Variants in MMP26 observed in about 807,000 individuals in gnomAD.
The protein encoded by MMP26 is matrix metalloproteinase-26.
Under a neutral mutation model 31.0 loss-of-function variants are expected in MMP26, and 33 were observed. That is an observed-to-expected ratio of 1.06 (90% CI 0.81 to 1.42). The LOEUF (loss-of-function observed/expected upper bound fraction) is 1.42, where lower values mean the gene tolerates loss of function less well. MMP26 is among the 40% of genes most tolerant of loss of function. MMP26 has a pLI of 0.00. For synonymous variants in MMP26, 122 were observed against 114.9 expected, an observed-to-expected ratio of 1.06 and a Z score of -0.40; for missense variants, 347 against 316.1, an observed-to-expected ratio of 1.10 and a Z score of -0.74.
chr11:4,907,766 A>G lies in MMP26; in HGVS notation c.-144-80302A>G, dbSNP rs761091720. The G allele has an allele frequency of 3.7e-6, 6 of 1,613,986 alleles. No individual in the cohort carries two copies. In the Admixed American group the frequency reaches 8.3e-5, roughly 22 times the overall value. ...TGCCATTCACAATCCCTTAAGATAC[A>G]GTTCTATCCTCACTAGCAACAGGGT... On this transcript the variant is annotated intron_variant, in intron 2 of 7. Coordinates refer to ENST00000380390, the MANE Select transcript of MMP26 (RefSeq NM_021801.5).
At chr11:4,968,031 T>G (rs1329396825) in intron 2 of MMP26, among the ~76,000 whole-genome samples, 2 of 152,146 alleles carry the variant, frequency 1.3e-5, no homozygotes, top group African/African-American at 4.8e-5. Flanking sequence ...ATGTAATATA[T>G]TTTGTTTTGC....
chr11:4,818,449 A>C (rs1169330116), intron 2 of MMP26, among the ~76,000 whole-genome samples: 1 of 151,792 alleles, frequency 6.6e-6, no homozygotes, highest in Non-Finnish European at 1.5e-5. Context: ...TATTATTTTC[A>C]TTTTTCATCG....
intron 1 of MMP26, among the ~76,000 whole-genome samples, chr11:4,722,111 C>A (rs1020635626): frequency 6.6e-6 from 1 of 152,202 alleles, no homozygotes; most frequent in African/African-American, 2.4e-5. Context: ...AGTCGCTATA[C>A]TTCTTGCATA....
intron 2 of MMP26, chr11:4,907,772 A>C: frequency 6.2e-7 from 1 of 1,614,082 alleles, no homozygotes. Flanking sequence ...ATACAGTTCT[A>C]TCCTCACTAG....
intron 1 of MMP26, among the ~76,000 whole-genome samples, chr11:4,754,305 C>G (rs1353265155): frequency 6.6e-6 from 1 of 151,710 alleles, no homozygotes; most frequent in Non-Finnish European, 1.5e-5. Flanking sequence ...ATATTTATTT[C>G]TTAATAAATA....
chr11:4,988,276 CT>C lies in MMP26; in HGVS notation c.66del (p.Ala23LeufsTer19). The C allele has an allele frequency of 6.2e-7, 1 of 1,614,102 alleles. No homozygotes were observed. Among genetic ancestry groups the C allele is most frequent in the Non-Finnish European group, 8.5e-7 (1 of 1,180,022 alleles). On this transcript the variant is annotated frameshift_variant, in exon 3 of 8. Coordinates refer to ENST00000380390, the MANE Select transcript of MMP26 (RefSeq NM_021801.5). LOFTEE classifies it high-confidence loss of function. ...TGGTGTTTCGCCGTTCCAGTGCCCC[CT>C]GCTGCAGACCATAAAGGATGGGACT... is the stretch of plus-strand genomic sequence containing the variant. The part of the protein sequence containing the change: ...LPWCFAVPVP[P>X]AADHKGWDFV...
intron 1 of MMP26, chr11:4,712,363 C>A (rs1374908875): frequency 6.6e-6 from 1 of 152,122 alleles, no homozygotes; most frequent in East Asian, 1.9e-4. Flanking sequence ...TAAGAGTAGT[C>A]ATAGATGGCG....
intron 2 of MMP26, chr11:4,769,365 C>T: frequency 6.2e-7 from 1 of 1,613,962 alleles, no homozygotes; most frequent in Non-Finnish European, 8.5e-7. Context: ...TGAATCACAT[C>T]TGGATGGTAA....
In MMP26 at chr11:4,783,880, G is replaced by A. The variant is rs183227899; in HGVS notation, c.-145+16539G>A. Among the ~76,000 whole-genome samples, 153 of 152,182 alleles carry A rather than the reference G, an allele frequency of 1.0e-3. 1 individual carries two copies. The highest frequency in any genetic ancestry group is 1.8e-3 in the Non-Finnish European group (121 of 68,018). On this transcript the variant is annotated intron_variant, in intron 2 of 7. Transcript: ENST00000380390. Reference sequence around the variant, plus strand: ...CCATGTAAGATGTGACTTGCTCCTCGTCTTCCACTATGATTGTGAGGTTTC... The same window carrying A: ...CCATGTAAGATGTGACTTGCTCCTCATCTTCCACTATGATTGTGAGGTTTC...
chr11:4,745,924 CA>C (rs1018074995), intron 1 of MMP26, among the ~76,000 whole-genome samples: 1 of 152,156 alleles, frequency 6.6e-6, no homozygotes, highest in African/African-American at 2.4e-5. Context: ...AATGTCTTTT[CA>C]TGGCTTGATA....
intron 2 of MMP26, among the ~76,000 whole-genome samples, chr11:4,809,130 T>G (rs1464921381): frequency 1.3e-5 from 2 of 151,966 alleles, no homozygotes; most frequent in Non-Finnish European, 2.9e-5. Context: ...CCATATAATT[T>G]CTCTTCTTCC....
chr11:4,943,316 A>G (rs1846244015), intron 2 of MMP26: 1 of 315,442 alleles, frequency 3.2e-6, no homozygotes, highest in Non-Finnish European at 6.3e-6. Context: ...TAAGTCTTTT[A>G]ACATCTCTCA....
At chr11:4,956,256 A>G (rs778716730) in intron 2 of MMP26, among the ~76,000 whole-genome samples, 10 of 152,306 alleles carry the variant, frequency 6.6e-5, no homozygotes, top group African/African-American at 9.6e-5. Context: ...GCATTGCTGA[A>G]TTTATCTGCC....
intron 2 of MMP26, chr11:4,804,629 G>T (rs182906501): frequency 1.4e-5 from 9 of 660,768 alleles, no homozygotes; most frequent in Middle Eastern, 3.2e-4. Flanking sequence ...CTAGTTGCAT[G>T]TGTAACTGTT....
chr11:4,895,912 G>A (rs12225511), intron 2 of MMP26, among the ~76,000 whole-genome samples: 17,073 of 152,140 alleles, frequency 0.11, 1,759 homozygotes, highest in East Asian at 0.59. Context: ...GTGAGACCCC[G>A]TCTTGGGGAA....
intron 1 of MMP26, among the ~76,000 whole-genome samples, chr11:4,714,920 T>TCTCTCACACACA (rs376354906): frequency 3.5e-5 from 5 of 141,784 alleles, no homozygotes; most frequent in South Asian, 4.6e-4. Context: ...TCTCTCTCTC[T>TCTCTCACACACA]CACACACACA....
intron 2 of MMP26, among the ~76,000 whole-genome samples, chr11:4,831,873 A>T (rs1426427566): frequency 6.6e-6 from 1 of 152,212 alleles, no homozygotes; most frequent in Non-Finnish European, 1.5e-5. Flanking sequence ...AATTATTCAG[A>T]AATATATCAG....
At chr11:4,968,759 A>G (rs916485525) in intron 2 of MMP26, among the ~76,000 whole-genome samples, 3 of 151,960 alleles carry the variant, frequency 2.0e-5, no homozygotes, top group African/African-American at 4.8e-5. Flanking sequence ...ATAATTAATA[A>G]AAATAAATAA....
intron 2 of MMP26, among the ~76,000 whole-genome samples, chr11:4,784,940 A>C (rs557803157): frequency 3.8e-4 from 58 of 152,358 alleles, no homozygotes; most frequent in African/African-American, 1.4e-3. Context: ...AGATGGTGGA[A>C]AGAGAAGATT....
Sources: allele counts gnomAD v4.1 joint callset (sites outside exome capture counted in the v4.1 genomes callset), GRCh38; gene constraint gnomAD v4.1.1; transcripts MANE v1.5; gene names NCBI Gene and HGNC (gene_info 2026-07-23, HGNC 2026-07-21).